Variants in ADARB2 observed in about 807,000 individuals in gnomAD.
ADARB2 encodes the protein inactive double-stranded RNA-specific editase B2.
Under a neutral mutation model 62.2 loss-of-function variants are expected in ADARB2, and 25 were observed. The ratio of observed to expected loss-of-function variants is 0.40; its 90% CI spans 0.29 to 0.56. ADARB2 has a LOEUF of 0.56. Ranked by LOEUF, ADARB2 falls within the 20% of genes least tolerant of loss-of-function variation. The pLI, the probability that ADARB2 is intolerant of heterozygous loss-of-function variation, is 0.43. For missense variants in ADARB2, 1,071 were observed against 1,077.4 expected (o/e 0.99, Z 0.08); for synonymous variants, 572 against 500.8 (o/e 1.14, Z -1.90).
intron 1 of ADARB2, among the ~76,000 whole-genome samples, chr10:1,685,924 G>A (rs965557273): frequency 7.9e-5 from 12 of 152,184 alleles, no homozygotes; most frequent in Non-Finnish European, 1.3e-4. Context: ...GCCTCTGCCC[G>A]GGACGGATGG....
intron 6 of ADARB2, among the ~76,000 whole-genome samples, chr10:1,229,792 T>TTATG (rs533594156): frequency 0.13 from 5,559 of 43,394 alleles, 332 homozygotes; most frequent in African/African-American, 0.35. Flanking sequence ...GTACATGTGT[T>TTATG]TATGTGTGTG....
At chr10:1,220,510 G>T (rs1490432150) in intron 6 of ADARB2, among the ~76,000 whole-genome samples, 1 of 152,086 alleles carries the variant, frequency 6.6e-6, no homozygotes. Flanking sequence ...TGCAGGTGGG[G>T]TCTTTATGAA....
At position 1,363,538 on chromosome 10, in the gene ADARB2, G is replaced by A. The variant is rs201957828; in HGVS notation, c.567C>T (p.Phe189=). The A allele has an allele frequency of 3.8e-6, 6 of 1,559,074 alleles. No homozygotes were observed. The highest frequency in any genetic ancestry group is 5.2e-6 in the Non-Finnish European group (6 of 1,155,060). ...MRAAELALRS[F]VQFPNACQAH... ...CCTGGCAGGCGTTGGGGAACTGCAC[G>A]AAGGACCTGAGTGCCAGCTCCGCCG... Residue 189 remains phenylalanine, a synonymous_variant, in exon 3 of 10, where the codon TTC becomes TTT. Coordinates refer to ENST00000381312, the MANE Select transcript of ADARB2 (RefSeq NM_018702.4).
intron 1 of ADARB2, among the ~76,000 whole-genome samples, chr10:1,692,925 C>T (rs758307839): frequency 6.6e-6 from 1 of 152,172 alleles, no homozygotes; most frequent in Non-Finnish European, 1.5e-5. Context: ...CTTCTGGGCT[C>T]ACAGAGCTGG....
intron 1 of ADARB2, among the ~76,000 whole-genome samples, chr10:1,483,785 G>A (rs961810315): frequency 1.2e-5 from 1 of 84,106 alleles, no homozygotes; most frequent in African/African-American, 5.0e-5. Context: ...AGTCAAGTTA[G>A]TGTTGAGCTT....
chr10:1,258,005 C>T (rs1234213495), intron 4 of ADARB2, among the ~76,000 whole-genome samples: 1 of 152,174 alleles, frequency 6.6e-6, no homozygotes, highest in African/African-American at 2.4e-5. Context: ...TTTATTATAT[C>T]TCCATCCACA....
chr10:1,427,890 A>C (rs1832904907), intron 1 of ADARB2, among the ~76,000 whole-genome samples: 1 of 152,238 alleles, frequency 6.6e-6, no homozygotes, highest in African/African-American at 2.4e-5. Context: ...CTCAACAATA[A>C]GAGGAAATGA....
At chr10:1,515,250 G>A (rs1033073465) in intron 1 of ADARB2, among the ~76,000 whole-genome samples, 1 of 152,206 alleles carries the variant, frequency 6.6e-6, no homozygotes, top group African/African-American at 2.4e-5. Flanking sequence ...CACAGAGCAG[G>A]GGCAGGCGGG....
At chr10:1,595,293 T>G (rs1833317816) in intron 1 of ADARB2, among the ~76,000 whole-genome samples, 1 of 152,198 alleles carries the variant, frequency 6.6e-6, no homozygotes, top group East Asian at 1.9e-4. Flanking sequence ...CTTGCCTGCA[T>G]GGAATTCCTG....
chr10:1,577,218 A>G lies in ADARB2; in HGVS notation c.100+159833T>C, dbSNP rs371141309. Among the ~76,000 whole-genome samples the G allele has an allele frequency of 1.6e-4, 21 of 135,052 alleles. 1 individual carries two copies. The highest frequency in any genetic ancestry group is 2.9e-4 in the Admixed American group (4 of 13,840). The allele number at this position is 135,052 out of a possible 152,430, so 88.6% of individuals were successfully genotyped here. ...ATGCACACAGGTGGTGGGTGGAAAG[A>G]AGCTCAGGTGCATCCTGGTGCAAAG... On this transcript the variant is annotated intron_variant, in intron 1 of 9. Coordinates refer to ENST00000381312, the MANE Select transcript of ADARB2 (RefSeq NM_018702.4).
chr10:1,188,498 G>A (rs1038434880), intron 8 of ADARB2, among the ~76,000 whole-genome samples: 2 of 152,024 alleles, frequency 1.3e-5, no homozygotes, highest in African/African-American at 2.4e-5. Flanking sequence ...ATGTGCTTAC[G>A]CTTTGAGCTT....
At chr10:1,239,964 G>T (rs1322009228) in intron 5 of ADARB2, among the ~76,000 whole-genome samples, 1 of 3,232 alleles carries the variant, frequency 3.1e-4, no homozygotes. Context: ...ACTCCCCTCT[G>T]CCTCCCGGTG....
rs560302540 is a variant in ADARB2 at position 1,525,951 on chromosome 10, GTGTGCGTGTGTGCTTA to G, written c.101-146807_101-146792del. Among the ~76,000 whole-genome samples the G allele has an allele frequency of 8.3e-3, 1,258 of 152,142 alleles. 8 individuals carry two copies. Among genetic ancestry groups the G allele is most frequent in the Middle Eastern group, 0.014 (4 of 294 alleles). ...TCTGTGTGTGAGCACGTATGGGTGT[GTGTGCGTGTGTGCTTA>G]TGTGCGTGTGTGCATGCATATATGT... On this transcript the variant is annotated intron_variant, in intron 1 of 9. Transcript: ENST00000381312.
At chr10:1,516,557 G>GTGTGCTGTGCGGGCTGCTC (rs1261533681) in intron 1 of ADARB2, among the ~76,000 whole-genome samples, 13 of 151,648 alleles carry the variant, frequency 8.6e-5, no homozygotes, top group African/African-American at 2.9e-4. Flanking sequence ...GCGGGCTGCT[G>GTGTGCTGTGCGGGCTGCTC]TGTGCTGTGC....
Position 1,183,128 on chromosome 10 carries a change from G to A in ADARB2, c.*65C>T, listed in dbSNP as rs894218701. 7.7e-6 allele frequency: 12 copies of A among 1,548,732 alleles called. No homozygotes were observed. In the East Asian group the frequency reaches 1.6e-4, roughly 21 times the overall value. On this transcript the variant is annotated 3_prime_UTR_variant, in exon 10 of 10. Coordinates refer to ENST00000381312, the MANE Select transcript of ADARB2 (RefSeq NM_018702.4). ...AGGGAACCGGCCGACCCGCCACGTC[G>A]CCCCCCAGACACGGTCCCATCCCTC... is the stretch of plus-strand genomic sequence containing the variant.
intron 1 of ADARB2, among the ~76,000 whole-genome samples, chr10:1,570,088 C>T (rs1832914568): frequency 6.6e-6 from 1 of 152,022 alleles, no homozygotes. Flanking sequence ...GTCTCATTCA[C>T]ATACAAACGT....
chr10:1,606,787 G>C (rs961628441), intron 1 of ADARB2, among the ~76,000 whole-genome samples: 1 of 152,144 alleles, frequency 6.6e-6, no homozygotes, highest in Admixed American at 6.5e-5. Context: ...CCTGCACGGG[G>C]AACAGAAGCC....
intron 2 of ADARB2, among the ~76,000 whole-genome samples, chr10:1,378,243 G>T (rs1564274268): frequency 6.6e-6 from 1 of 152,158 alleles, no homozygotes; most frequent in Non-Finnish European, 1.5e-5. Context: ...TCCTAAACCA[G>T]CCTGGTGCCA....
chr10:1,467,209 G>C (rs1049979552), intron 1 of ADARB2, among the ~76,000 whole-genome samples: 1 of 152,108 alleles, frequency 6.6e-6, no homozygotes, highest in Non-Finnish European at 1.5e-5. Flanking sequence ...TACTGTAACT[G>C]CTCATCGGTT....
Sources: allele counts gnomAD v4.1 joint callset (sites outside exome capture counted in the v4.1 genomes callset), GRCh38; gene constraint gnomAD v4.1.1; transcripts MANE v1.5; gene names NCBI Gene and HGNC (gene_info 2026-07-23, HGNC 2026-07-21).